Variants in XXYLT1 observed in about 807,000 individuals in gnomAD.
XXYLT1 encodes the protein UDP-xylose:alpha-xyloside alpha-1,3-xylosyltransferase.
A neutral mutation model predicts 28.9 loss-of-function variants in XXYLT1; 20 were observed. The observed-to-expected ratio is 0.69, with a 90% confidence interval of 0.49 to 1.00. The LOEUF is 1.00. Ranked by LOEUF, XXYLT1 falls within the 50% of genes least tolerant of loss-of-function variation. The probability of loss-of-function intolerance (pLI) is 0.00; values close to 1 mark genes in which losing one functional copy is unlikely to be tolerated. For missense variants in XXYLT1, 542 were observed against 560.1 expected (o/e 0.97, Z 0.33); for synonymous variants, 257 against 253.8 (o/e 1.01, Z -0.12).
chr3:195,112,514 C>CACA (rs1717798636), intron 3 of XXYLT1, among the ~76,000 whole-genome samples: 2 of 43,514 alleles, frequency 4.6e-5, no homozygotes, highest in African/African-American at 1.0e-4. Context: ...CCACACACAC[C>CACA]CACACACACA....
In XXYLT1 at chr3:195,069,988, G is replaced by A. The variant is rs1431876470; in HGVS notation, c.909C>T (p.Ser303=). The A allele has an allele frequency of 1.9e-6, 3 of 1,608,770 alleles. No homozygotes were observed. The highest frequency in any genetic ancestry group is 1.1e-5 in the South Asian group (1 of 91,062). The part of the protein sequence containing the change: ...MLLNLEAMRQ[S]PLYSRLLEPA... ...GCTCCAGCAGGCGGCTGTAGAGCGG[G>A]GACTGGCGCATGGCCTCCAGGTTCA... The change falls in exon 4 of 4, where the codon TCC becomes TCT. Residue 303 remains serine, a synonymous_variant. Coordinates refer to ENST00000310380, the MANE Select transcript of XXYLT1 (RefSeq NM_152531.5).
At chr3:195,072,164 G>T (rs111787371) in intron 3 of XXYLT1, among the ~76,000 whole-genome samples, 2 of 152,288 alleles carry the variant, frequency 1.3e-5, no homozygotes, top group Non-Finnish European at 2.9e-5. Context: ...AAAGGCAGGC[G>T]TGGGGTGGAC....
intron 3 of XXYLT1, among the ~76,000 whole-genome samples, chr3:195,147,396 C>G (rs1248872425): frequency 6.6e-6 from 1 of 152,064 alleles, no homozygotes; most frequent in South Asian, 2.1e-4. Context: ...ATGATGAAAC[C>G]CTGTCTCTAC....
chr3:195,158,133 T>C (rs1289374474), intron 2 of XXYLT1, among the ~76,000 whole-genome samples: 1 of 152,192 alleles, frequency 6.6e-6, no homozygotes, highest in Non-Finnish European at 1.5e-5. Context: ...CTGTCAATCA[T>C]CACATCGAAA....
intron 3 of XXYLT1, among the ~76,000 whole-genome samples, chr3:195,153,524 T>G (rs562749450): frequency 6.6e-6 from 1 of 152,192 alleles, no homozygotes; most frequent in African/African-American, 2.4e-5. Flanking sequence ...CAAACGCCAT[T>G]CTTCAGACTC....
chr3:195,163,157 T>C (rs1720957973), intron 2 of XXYLT1, among the ~76,000 whole-genome samples: 1 of 152,202 alleles, frequency 6.6e-6, no homozygotes, highest in Admixed American at 6.5e-5. Context: ...GCAATCCTTT[T>C]TGGATAGAAT....
chr3:195,107,635 GGAGGAGGAGGA>G (rs1717217715), intron 3 of XXYLT1, among the ~76,000 whole-genome samples: 1 of 20,544 alleles, frequency 4.9e-5, no homozygotes, highest in African/African-American at 2.4e-4. Context: ...AGGAGGAGGG[GGAGGAGGAGGA>G]GGAGGAGGAG....
rs1234187499 is a variant in XXYLT1 at position 195,176,062 on chromosome 3, A to T, written c.653-19481T>A. 6.8e-6 allele frequency among the ~76,000 whole-genome samples: 1 copy of T among 148,072 alleles called. No homozygotes were observed. The highest frequency in any genetic ancestry group is 2.5e-5 in the African/African-American group (1 of 40,578). On this transcript the variant is annotated intron_variant, in intron 2 of 3. Transcript: ENST00000310380. The surrounding 1 kb of genome is among the most constrained non-coding windows in gnomAD (Gnocchi z 4.9). ...CCACACACCTAAAAGATATGACAGAATTTTTTTTTTTTGAGACAGGGTCTC... is the reference window on the plus strand; with the variant it reads ...CCACACACCTAAAAGATATGACAGATTTTTTTTTTTTTGAGACAGGGTCTC...
chr3:195,145,688 G>C (rs1189437825), intron 3 of XXYLT1, among the ~76,000 whole-genome samples: 1 of 152,234 alleles, frequency 6.6e-6, no homozygotes, highest in Non-Finnish European at 1.5e-5. Flanking sequence ...TCACATTTCT[G>C]AAAGTCCATA....
intron 3 of XXYLT1, among the ~76,000 whole-genome samples, chr3:195,155,363 A>G (rs886131897): frequency 1.3e-5 from 2 of 152,164 alleles, no homozygotes; most frequent in African/African-American, 4.8e-5. Flanking sequence ...AGAGCGGGGC[A>G]TGCCTGCGGG....
intron 2 of XXYLT1, among the ~76,000 whole-genome samples, chr3:195,157,754 G>A (rs183672661): frequency 3.5e-4 from 54 of 152,330 alleles, no homozygotes; most frequent in African/African-American, 1.2e-3. Context: ...CCAAAGAGGG[G>A]GCGCATGGGG....
chr3:195,069,728 A>G lies in XXYLT1; in HGVS notation c.1169T>C (p.Ile390Thr). ...KIYHGNCNTP[I>T]PED The stretch of plus-strand genomic sequence containing the variant: ...CACGGGGAGCGCCTAGTCCTCCGGG[A>G]TGGGAGTGTTGCAGTTCCCGTGGTA... The change falls in exon 4 of 4, where the codon ATC becomes ACC. Residue 390 changes from isoleucine to threonine, a missense_variant. Physicochemically the swap from Ile to Thr is moderately conservative, Grantham distance 89 (BLOSUM62 -1). Transcript: ENST00000310380. 6.2e-7 allele frequency: 1 copy of G among 1,612,862 alleles called. No individual in the cohort carries two copies. The highest frequency in any genetic ancestry group is 8.5e-7 in the Non-Finnish European group (1 of 1,179,700).
In XXYLT1 at chr3:195,098,420, G is replaced by A. The variant is rs552960494; in HGVS notation, c.786-28309C>T. ...TACAAAAAATTAGCCGGGCGTGGTG[G>A]TGCGCGCCTGTAGTCCCAGCTACTT... On this transcript the variant is annotated intron_variant, in intron 3 of 3. Coordinates refer to ENST00000310380, the MANE Select transcript of XXYLT1 (RefSeq NM_152531.5). Among the ~76,000 whole-genome samples, 12 of 152,294 alleles carry A rather than the reference G, an allele frequency of 7.9e-5. No individual in the cohort carries two copies. In the South Asian group the frequency reaches 1.2e-3, roughly 16 times the overall value.
chr3:195,264,699 A>G (rs181758194), intron 1 of XXYLT1, among the ~76,000 whole-genome samples: 35 of 152,362 alleles, frequency 2.3e-4, no homozygotes, highest in African/African-American at 7.9e-4. Flanking sequence ...TACCTAGAAC[A>G]GTGTCTGGCA....
chr3:195,119,130 A>C (rs1163950805), intron 3 of XXYLT1, among the ~76,000 whole-genome samples: 1 of 149,404 alleles, frequency 6.7e-6, no homozygotes, highest in Non-Finnish European at 1.5e-5. Flanking sequence ...ACAAAAAAAA[A>C]AAAATTAGCT....
At position 195,074,980 on chromosome 3, in the gene XXYLT1, G is replaced by A. The variant is rs546812804; in HGVS notation, c.786-4869C>T. Reference sequence around the variant, plus strand: ...TAAGAAGTGTTCCCAGGCCGGGAGCGGTGGCTCGCACCTGTAATCCCAGCA... The same window carrying A: ...TAAGAAGTGTTCCCAGGCCGGGAGCAGTGGCTCGCACCTGTAATCCCAGCA... On this transcript the variant is annotated intron_variant, in intron 3 of 3. Coordinates refer to ENST00000310380, the MANE Select transcript of XXYLT1 (RefSeq NM_152531.5). 2.3e-3 allele frequency among the ~76,000 whole-genome samples: 354 copies of A among 152,290 alleles called. 1 individual carries two copies. Among genetic ancestry groups the A allele is most frequent in the African/African-American group, 8.3e-3 (345 of 41,552 alleles).
At chr3:195,189,225 A>G (rs1048844022) in intron 2 of XXYLT1, among the ~76,000 whole-genome samples, 6 of 152,354 alleles carry the variant, frequency 3.9e-5, no homozygotes, top group Non-Finnish European at 7.3e-5. Flanking sequence ...ATTTTAAAAT[A>G]AAAACCAAAT....
rs751889069 is a variant in XXYLT1, at chr3:195,070,079, G to A, written c.818C>T (p.Pro273Leu). The change falls in exon 4 of 4, where the codon CCC (proline) becomes CTC (leucine). Residue 273 changes from proline to leucine, a missense_variant. Coordinates refer to ENST00000310380, the MANE Select transcript of XXYLT1 (RefSeq NM_152531.5). Reference sequence around the variant, plus strand: ...GGGCGGGCCCCCAACCCGGGTCTGGGGGTTCTCATGGCGGAACTGCCAGAA... The same window carrying A: ...GGGCGGGCCCCCAACCCGGGTCTGGAGGTTCTCATGGCGGAACTGCCAGAA... ...HTFWQFRHEN[P>L]QTRVGGPPPE... 3 of 1,584,476 alleles carry A rather than the reference G, an allele frequency of 1.9e-6. No individual in the cohort carries two copies. Among genetic ancestry groups the A allele is most frequent in the Admixed American group, 3.5e-5 (2 of 57,732 alleles).
At position 195,098,115 on chromosome 3, in the gene XXYLT1, G is replaced by A. The variant is rs188875033; in HGVS notation, c.786-28004C>T. Among the ~76,000 whole-genome samples, 242 of 152,304 alleles carry A rather than the reference G, an allele frequency of 1.6e-3. 1 individual carries two copies. Among genetic ancestry groups the A allele is most frequent in the Admixed American group, 5.1e-3 (78 of 15,294 alleles). ...AACAGGCACGCTCACAGGCAGGTTAGAGCTGGGGAGAGGCAGGAAATGGGA... is the reference window on the plus strand; with the variant it reads ...AACAGGCACGCTCACAGGCAGGTTAAAGCTGGGGAGAGGCAGGAAATGGGA... On this transcript the variant is annotated intron_variant, in intron 3 of 3. Transcript: ENST00000310380.
Sources: gnomAD v4.1 joint callset for allele counts (sites outside exome capture counted in the v4.1 genomes callset) on GRCh38, gnomAD v4.1.1 for gene constraint, Gnocchi (gnomAD v3.1) non-coding constraint, MANE v1.5 for transcripts, NCBI Gene and HGNC (gene_info 2026-07-23, HGNC 2026-07-21) for gene names.